Variants in CARD9 observed in about 807,000 individuals in gnomAD.
The protein encoded by CARD9 is caspase recruitment domain-containing protein 9.
Under a neutral mutation model 66.0 loss-of-function variants are expected in CARD9, and 53 were observed. The ratio of observed to expected loss-of-function variants is 0.80; its 90% CI spans 0.64 to 1.01. CARD9 has a LOEUF of 1.01. CARD9 is among the 50% of genes least tolerant of loss of function. The pLI is 0.00. For missense variants in CARD9, 769 were observed against 743.2 expected, an observed-to-expected ratio of 1.03 and a Z score of -0.40; for synonymous variants, 387 against 313.8, an observed-to-expected ratio of 1.23 and a Z score of -2.47.
intron 2 of CARD9, 146 bp downstream of exon 2, chr9:136,371,749 T>C: frequency 7.3e-7 from 1 of 1,362,498 alleles, no homozygotes. Context: ...CGTGCCAGGG[T>C]TGAGGTTGGG....
intron 7 of CARD9, among the ~76,000 whole-genome samples, chr9:136,368,720 C>G (rs1833185727): frequency 6.6e-6 from 1 of 152,260 alleles, no homozygotes; most frequent in Non-Finnish European, 1.5e-5. Flanking sequence ...GCAGGCCTCA[C>G]TCCCGTGGCC....
At chr9:136,368,750 G>A (rs939823204) in intron 7 of CARD9, among the ~76,000 whole-genome samples, 1 of 152,138 alleles carries the variant, frequency 6.6e-6, no homozygotes, top group Non-Finnish European at 1.5e-5. Flanking sequence ...GTGCAATAGC[G>A]CAATGGTGAC....
At position 136,363,991 on chromosome 9, in the gene CARD9, G is replaced by T. The variant is rs758942787; in HGVS notation, c.*311C>A. On this transcript the variant is annotated 3_prime_UTR_variant, in exon 13 of 13. Coordinates refer to ENST00000371732, the MANE Select transcript of CARD9 (RefSeq NM_052813.5). ...CCGTGCTGTTTATTTACGCAGCTGT[G>T]TTTTCTAACACTAATACAATGCATG... 2.0e-5 allele frequency: 25 copies of T among 1,247,336 alleles called. No individual in the cohort carries two copies. In the Middle Eastern group the frequency reaches 2.9e-3, roughly 146 times the overall value. The allele number at this position is 1,247,336 out of a possible 1,614,324, so 77.3% of individuals were successfully genotyped here.
rs199513840 is a variant in CARD9, at chr9:136,364,929, AG to A, written c.1434+211del. On this transcript the variant is annotated intron_variant, in intron 11 of 12. Transcript: ENST00000371732. ...GGACCAGGCACATCCACGTCCAAAA[AG>A]CCCCCCAAGCTGCTGCAGTGCCCAA... 3.9e-3 allele frequency: 2,351 copies of A among 599,314 alleles called. 40 individuals are homozygous for A. The highest frequency in any genetic ancestry group is 0.039 in the African/African-American group (2,078 of 53,540). 37.1% of individuals were successfully genotyped at this position (599,314 alleles called of 1,614,324 possible). A position where few individuals can be genotyped will look rare whatever the true frequency, so the allele number is the denominator to read the frequency against.
rs1833214249 is a variant in CARD9, at chr9:136,369,846, C to G, written c.981G>C (p.Leu327=). Residue 327 remains leucine, a synonymous_variant, in exon 7 of 13, where the codon CTG becomes CTC. Coordinates refer to ENST00000371732, the MANE Select transcript of CARD9 (RefSeq NM_052813.5). The stretch of plus-strand genomic sequence containing the variant: ...AGTCCTTACGTAGTGCCAGGCACTG[C>G]AGCTCGAACATCTCCTTCTCCTCCA... The part of the protein sequence containing the change: ...RCMEEKEMFE[L]QCLALRKDSK... 6.2e-7 allele frequency: 1 copy of G among 1,612,778 alleles called. No individual in the cohort carries two copies.
Position 136,370,624 on chromosome 9 carries a change from C to A in CARD9, c.705G>T (p.Arg235Ser), listed in dbSNP as rs752754226. 1 of 1,612,740 alleles carries A rather than the reference C, an allele frequency of 6.2e-7. No homozygotes were observed. The highest frequency in any genetic ancestry group is 8.5e-7 in the Non-Finnish European group (1 of 1,179,918). Residue 235 changes from arginine (R) to serine (S), a missense_variant, in exon 5 of 13, where the codon AGG becomes AGT. Transcript: ENST00000371732. ...GGCTGGGCCGCTGCTCCATGGCGTG[C>A]CTGAGCTTCAGCGTGTGCTTGCGCT... ...KVERKHTLKL[R>S]HAMEQRPSQE...
chr9:136,367,537 A>G, intron 8 of CARD9, 100 bp downstream of exon 8: 1 of 1,393,840 alleles, frequency 7.2e-7, no homozygotes, highest in Non-Finnish European at 9.7e-7. Context: ...CCCGTCACAG[A>G]GAAGGGTTGG....
chr9:136,370,329 T>C lies in CARD9; in HGVS notation c.916A>G (p.Lys306Glu), dbSNP rs776229142. The C allele has an allele frequency of 3.1e-6, 5 of 1,608,614 alleles. No homozygotes were observed. The highest frequency in any genetic ancestry group is 2.7e-5 in the African/African-American group (2 of 74,874). Residue 306 changes from lysine to glutamate, a missense_variant, in exon 6 of 13, where the codon AAG becomes GAG. Physicochemically the swap from Lys to Glu is moderately conservative, Grantham distance 56. Transcript: ENST00000371732. ...CGGGCCTCGCCCTGGCGGAGGTCCT[T>C]GCGCAGGGAGAAGATGGTGTTGGCC... Reference protein sequence around the residue: ...EQANTIFSLRKDLRQGEARRL... With the variant: ...EQANTIFSLREDLRQGEARRL...
chr9:136,367,089 C>A, intron 9 of CARD9, 127 bp downstream of exon 9: 2 of 1,215,834 alleles, frequency 1.6e-6, no homozygotes, highest in Non-Finnish European at 2.3e-6. Context: ...ACCTGCTCTT[C>A]CTCCACCCAG....
At position 136,367,549 on chromosome 9, in the gene CARD9, T is replaced by A; in HGVS notation, c.1269+88A>T. On this transcript the variant is annotated intron_variant, in intron 8 of 12. Coordinates refer to ENST00000371732, the MANE Select transcript of CARD9 (RefSeq NM_052813.5). ...GGGCCCGTCACAGAGAAGGGTTGGG[T>A]CGGGAAGGCCGGGGCTGAGGCTCCG... The A allele has an allele frequency of 4.8e-6, 7 of 1,445,418 alleles. 1 individual carries two copies. The highest frequency in any genetic ancestry group is 6.5e-6 in the Non-Finnish European group (7 of 1,079,174). 89.5% of individuals were successfully genotyped at this position (1,445,418 alleles called of 1,614,324 possible). A position where few individuals can be genotyped will look rare whatever the true frequency, so the allele number is the denominator to read the frequency against.
intron 1 of CARD9, among the ~76,000 whole-genome samples, 161 bp downstream of exon 1, chr9:136,373,371 T>C (rs1204464112): frequency 6.6e-6 from 1 of 152,022 alleles, no homozygotes; most frequent in Non-Finnish European, 1.5e-5. Context: ...AATGAACACA[T>C]CTCCGCCCAG....
chr9:136,364,782 C>T, intron 11 of CARD9: 1 of 608,194 alleles, frequency 1.6e-6, no homozygotes, highest in South Asian at 2.0e-5. Flanking sequence ...ACCCAGGAGG[C>T]CAAGCCACGG....
rs755876210 is a variant in CARD9 at position 136,370,647 on chromosome 9, G to A, written c.682C>T (p.Arg228Cys). ...TGCCTGAGCTTCAGCGTGTGCTTGC[G>A]CTCCACCTTGCAGTCGTCCTCGGCC... ...MKAEDDCKVE[R>C]KHTLKLRHAM... is the part of the protein sequence containing the mutation. Residue 228 changes from arginine (R) to cysteine (C), a missense_variant, in exon 5 of 13, where the codon CGC becomes TGC. Physicochemically the swap from Arg to Cys is radical, Grantham distance 180. Coordinates refer to ENST00000371732, the MANE Select transcript of CARD9 (RefSeq NM_052813.5). 4.3e-6 allele frequency: 7 copies of A among 1,612,776 alleles called. No individual in the cohort carries two copies. Among genetic ancestry groups the A allele is most frequent in the East Asian group, 2.2e-5 (1 of 44,874 alleles).
intron 7 of CARD9, 118 bp downstream of exon 7, chr9:136,369,632 C>G: frequency 6.6e-7 from 1 of 1,517,132 alleles, no homozygotes; most frequent in Non-Finnish European, 8.8e-7. Context: ...TAGCAAGACC[C>G]CATCTCAAAA....
In CARD9 at chr9:136,364,397, G is replaced by C. The variant is rs868007797; in HGVS notation, c.1516C>G (p.Arg506Gly). 7 of 1,553,356 alleles carry C rather than the reference G, an allele frequency of 4.5e-6. No individual in the cohort carries two copies. Among genetic ancestry groups the C allele is most frequent in the Non-Finnish European group, 6.1e-6 (7 of 1,151,794 alleles). ...KESFENYRRK[R>G]ALRKMQKGWR... ...CCTTTCTGCATCTTCCTGAGGGCGCGCTTCCTGTGAAGACAGGTGTCTCAG... is the reference window on the plus strand; with the variant it reads ...CCTTTCTGCATCTTCCTGAGGGCGCCCTTCCTGTGAAGACAGGTGTCTCAG... The change falls in exon 13 of 13, where the codon CGC becomes GGC. Residue 506 changes from arginine to glycine, a missense_variant. Physicochemically the swap from Arg to Gly is moderately radical, Grantham distance 125 (BLOSUM62 -2). Coordinates refer to ENST00000371732, the MANE Select transcript of CARD9 (RefSeq NM_052813.5).
chr9:136,369,718 G>C, intron 7 of CARD9, 32 bp downstream of exon 7: 1 of 1,569,450 alleles, frequency 6.4e-7, no homozygotes, highest in South Asian at 1.1e-5. Context: ...CCCGCGAGTG[G>C]GGTGCTTTGT....
chr9:136,373,171 C>T (rs901323045), intron 1 of CARD9, among the ~76,000 whole-genome samples: 21 of 152,242 alleles, frequency 1.4e-4, no homozygotes, highest in African/African-American at 5.1e-4. Context: ...ATAGTTGCCC[C>T]AGGCTTGGTC....
chr9:136,365,327 T>G (rs1321169914), intron 10 of CARD9, 110 bp from the exon 11 acceptor site: 3 of 1,021,832 alleles, frequency 2.9e-6, no homozygotes, highest in Admixed American at 3.9e-5. Context: ...CAAGGCCTGG[T>G]GGGATCCCCA....
rs1207111861 is a variant in CARD9 at position 136,364,265 on chromosome 9, G to C, written c.*37C>G. 31 of 1,550,816 alleles carry C rather than the reference G, an allele frequency of 2.0e-5. No homozygotes were observed. Among genetic ancestry groups the C allele is most frequent in the Non-Finnish European group, 2.7e-5 (31 of 1,146,924 alleles). Reference sequence around the variant, plus strand: ...CCCCCGGGTGGCAGGAGGCCGGGCCGGTGGGTGTGCCCTGGTCGGGGCCTG... The same window carrying C: ...CCCCCGGGTGGCAGGAGGCCGGGCCCGTGGGTGTGCCCTGGTCGGGGCCTG... On this transcript the variant is annotated 3_prime_UTR_variant, in exon 13 of 13. Coordinates refer to ENST00000371732, the MANE Select transcript of CARD9 (RefSeq NM_052813.5).
Sources: gnomAD v4.1 joint callset for allele counts (sites outside exome capture counted in the v4.1 genomes callset) on GRCh38, gnomAD v4.1.1 for gene constraint, MANE v1.5 for transcripts, NCBI Gene and HGNC (gene_info 2026-07-23, HGNC 2026-07-21) for gene names.